Variants in ALDOB observed in about 807,000 individuals in gnomAD.
The protein encoded by ALDOB is aldolase, fructose-bisphosphate B, also known as fructose-bisphosphate aldolase B.
Under a neutral mutation model 41.0 loss-of-function variants are expected in ALDOB, and 39 were observed. The ratio of observed to expected loss-of-function variants is 0.95; its 90% CI spans 0.74 to 1.24. The LOEUF (loss-of-function observed/expected upper bound fraction) is 1.24. Among genes scored for constraint, ALDOB ranks in the 50% most tolerant of loss-of-function variants. The pLI, the probability that ALDOB is intolerant of heterozygous loss-of-function variation, is 0.00. For missense variants in ALDOB, 530 were observed against 457.3 expected, an observed-to-expected ratio of 1.16 and a Z score of -1.45; for synonymous variants, 175 against 168.8, an observed-to-expected ratio of 1.04 and a Z score of -0.28.
intron 3 of ALDOB, among the ~76,000 whole-genome samples, chr9:101,429,321 C>A (rs1046757762): frequency 5.3e-5 from 8 of 151,930 alleles, no homozygotes; most frequent in Non-Finnish European, 1.2e-4. Context: ...ACACATCTGG[C>A]TAATGTTTTT....
In ALDOB at chr9:101,428,857, C is replaced by T. The variant is rs1220540617; in HGVS notation, c.325-334G>A. 2.0e-5 allele frequency among the ~76,000 whole-genome samples: 3 copies of T among 152,286 alleles called. No individual in the cohort carries two copies. The East Asian group carries it at 5.8e-4, about 29-fold the overall frequency. ...TAGCCTAAACTGGCTCTGACCTTGC[C>T]TTGTTGTGTGGGCAAGTTATGTTAC... On this transcript the variant is annotated intron_variant, in intron 3 of 8. Transcript: ENST00000647789.
At chr9:101,428,158 C>T (rs1005266243) in intron 4 of ALDOB, among the ~76,000 whole-genome samples, 1 of 152,182 alleles carries the variant, frequency 6.6e-6, no homozygotes, top group East Asian at 1.9e-4. Flanking sequence ...AAAAATAATA[C>T]TTCCGGGTGC....
intron 8 of ALDOB, among the ~76,000 whole-genome samples, chr9:101,423,762 C>T (rs1564076990): frequency 6.6e-6 from 1 of 152,170 alleles, no homozygotes; most frequent in Non-Finnish European, 1.5e-5. Context: ...CTCATCTTTA[C>T]TGTCTCCTCT....
chr9:101,421,994 C>T (rs923705865), intron 8 of ALDOB, 90 bp from the exon 9 acceptor site: 6 of 1,070,472 alleles, frequency 5.6e-6, no homozygotes, highest in East Asian at 4.9e-5. Flanking sequence ...CCAGTCAAAC[C>T]TTCACTCAGA....
At chr9:101,429,116 A>G (rs7864833) in intron 3 of ALDOB, among the ~76,000 whole-genome samples, 3,618 of 151,114 alleles carry the variant, frequency 0.024, 149 homozygotes, top group African/African-American at 0.083. Context: ...CGCAATATAA[A>G]CTTTTTCTTT....
At chr9:101,427,751 G>C in intron 4 of ALDOB, 109 bp from the exon 5 acceptor site, 2 of 1,372,732 alleles carry the variant, frequency 1.5e-6, no homozygotes, top group Non-Finnish European at 2.0e-6. Flanking sequence ...AATCCACTGT[G>C]CTTGAGGATT....
intron 8 of ALDOB, among the ~76,000 whole-genome samples, chr9:101,423,446 C>T (rs1023136721): frequency 6.6e-6 from 1 of 152,228 alleles, no homozygotes; most frequent in South Asian, 2.1e-4. Context: ...TTACCTGATG[C>T]TTGGCTATGT....
chr9:101,428,349 G>T, intron 4 of ALDOB, 120 bp downstream of exon 4: 1 of 906,560 alleles, frequency 1.1e-6, no homozygotes. Flanking sequence ...TGAAAACCAG[G>T]TACGTGTGGC....
intron 4 of ALDOB, 126 bp from the exon 5 acceptor site, chr9:101,427,768 A>G: frequency 8.9e-7 from 1 of 1,129,838 alleles, no homozygotes; most frequent in Non-Finnish European, 1.3e-6. Flanking sequence ...GATTGAAAAC[A>G]GCCAAGCATA....
intron 4 of ALDOB, 106 bp from the exon 5 acceptor site, chr9:101,427,748 T>C: frequency 2.1e-6 from 3 of 1,396,188 alleles, no homozygotes; most frequent in African/African-American, 1.4e-5. Context: ...TTCAATCCAC[T>C]GTGCTTGAGG....
intron 6 of ALDOB, 42 bp downstream of exon 6, chr9:101,426,513 G>C (rs772149211): frequency 7.5e-7 from 1 of 1,324,898 alleles, no homozygotes; most frequent in Non-Finnish European, 1.1e-6. Flanking sequence ...CTAAAACTAA[G>C]ATTTTTCAAC....
In ALDOB at chr9:101,429,976, G is replaced by C. The variant is rs773642713; in HGVS notation, c.113-10C>G. 5 of 1,613,282 alleles carry C rather than the reference G, an allele frequency of 3.1e-6. No homozygotes were observed. Among genetic ancestry groups the C allele is most frequent in the Non-Finnish European group, 3.4e-6 (4 of 1,179,440 alleles). On this transcript the variant is annotated splice_polypyrimidine_tract_variant and intron_variant, in intron 2 of 8. Coordinates refer to ENST00000647789, the MANE Select transcript of ALDOB (RefSeq NM_000035.4). ...CGGTTCCCCATGGTACCTATGGTGGGAGGGCCAAGGGCAGCATAAGGAGCA... is the reference window on the plus strand; with the variant it reads ...CGGTTCCCCATGGTACCTATGGTGGCAGGGCCAAGGGCAGCATAAGGAGCA...
intron 5 of ALDOB, among the ~76,000 whole-genome samples, chr9:101,427,026 C>T (rs976118065): frequency 6.6e-5 from 10 of 152,164 alleles, no homozygotes; most frequent in African/African-American, 2.4e-4. Context: ...GAAAATCAAA[C>T]TTAACTCGGA....
In ALDOB at chr9:101,425,564, T is replaced by C. The variant is rs764872458; in HGVS notation, c.688A>G (p.Lys230Glu). 1.9e-6 allele frequency: 3 copies of C among 1,614,152 alleles called. No individual in the cohort carries two copies. Among genetic ancestry groups the C allele is most frequent in the Non-Finnish European group, 2.5e-6 (3 of 1,180,032 alleles). The stretch of plus-strand genomic sequence containing the variant: ...TGTCCAGCAGTCACCATGTTGGGCT[T>C]TAGCAGGGTGCCCTCCAGGTAAACA... Reference protein sequence around the residue: ...HHVYLEGTLLKPNMVTAGHAC... With the variant: ...HHVYLEGTLLEPNMVTAGHAC... Residue 230 changes from lysine to glutamate, a missense_variant, in exon 7 of 9, where the codon AAG becomes GAG. By Grantham distance (56) the Lys-to-Glu change is moderately conservative. Coordinates refer to ENST00000647789, the MANE Select transcript of ALDOB (RefSeq NM_000035.4).
chr9:101,425,551 A>AC lies in ALDOB; in HGVS notation c.700dup (p.Val234GlyfsTer44). 1 of 1,614,168 alleles carries AC rather than the reference A, an allele frequency of 6.2e-7. No individual in the cohort carries two copies. Among genetic ancestry groups the AC allele is most frequent in the Non-Finnish European group, 8.5e-7 (1 of 1,180,022 alleles). On this transcript the variant is annotated frameshift_variant, in exon 7 of 9. Coordinates refer to ENST00000647789, the MANE Select transcript of ALDOB (RefSeq NM_000035.4). LOFTEE classifies it high-confidence loss of function. ...CTTGGTGCAGGCATGTCCAGCAGTC[A>AC]CCATGTTGGGCTTTAGCAGGGTGCC...
At chr9:101,425,964 C>T (rs1831123441) in intron 6 of ALDOB, among the ~76,000 whole-genome samples, 2 of 152,098 alleles carry the variant, frequency 1.3e-5, no homozygotes, top group Non-Finnish European at 2.9e-5. Context: ...ATTGCTTTAG[C>T]TATTTGGGGT....
intron 5 of ALDOB, 27 bp from the exon 6 acceptor site, chr9:101,426,665 A>C (rs201582514): frequency 7.1e-7 from 1 of 1,402,244 alleles, no homozygotes; most frequent in African/African-American, 1.4e-5. Context: ...AGGAAGCAAA[A>C]GTGAAGCTGT....
In ALDOB at chr9:101,421,598, C is replaced by T; in HGVS notation, c.*211G>A. ...GGGAGCTGAAAGTGTTGCAAGGAAACTGCTGTGTGAAATTTGATCAGGTCC... is the reference window on the plus strand; with the variant it reads ...GGGAGCTGAAAGTGTTGCAAGGAAATTGCTGTGTGAAATTTGATCAGGTCC... On this transcript the variant is annotated 3_prime_UTR_variant, in exon 9 of 9. Transcript: ENST00000647789. The T allele has an allele frequency of 1.6e-6, 1 of 623,126 alleles. No individual in the cohort carries two copies. Among genetic ancestry groups the T allele is most frequent in the South Asian group, 1.8e-5 (1 of 56,446 alleles). 38.6% of individuals were successfully genotyped at this position (623,126 alleles called of 1,614,324 possible).
chr9:101,433,111 A>G (rs1338826001), intron 1 of ALDOB, among the ~76,000 whole-genome samples: 2 of 152,238 alleles, frequency 1.3e-5, no homozygotes, highest in Non-Finnish European at 2.9e-5. Flanking sequence ...AATGCCATCT[A>G]TGAGCACCCT....
Sources: allele counts gnomAD v4.1 joint callset (sites outside exome capture counted in the v4.1 genomes callset), GRCh38; gene constraint gnomAD v4.1.1; transcripts MANE v1.5; gene names NCBI Gene and HGNC (gene_info 2026-07-23, HGNC 2026-07-21).